The following PACC1 variants were observed in gnomAD, a reference collection of about 807,000 sequenced individuals.
PACC1 encodes proton-activated chloride channel.
A neutral mutation model predicts 39.7 loss-of-function variants in PACC1; 34 were observed. The observed-to-expected ratio is 0.86, with a 90% CI of 0.65 to 1.14. The LOEUF is 1.14. Ranked by LOEUF, PACC1 falls within the 50% of genes most tolerant of loss-of-function variation. The pLI is 0.00. For missense variants in PACC1, 379 were observed against 436.4 expected (o/e 0.87, Z 1.17); for synonymous variants, 127 against 160.6 (o/e 0.79, Z 1.58).
intron 1 of PACC1, among the ~76,000 whole-genome samples, chr1:212,410,728 T>C (rs1202827483): frequency 6.6e-6 from 1 of 152,218 alleles, no homozygotes; most frequent in African/African-American, 2.4e-5. Flanking sequence ...CTAGGACTAC[T>C]GTAGCAAGTA....
At chr1:212,390,960 G>T (rs906592104) in intron 2 of PACC1, among the ~76,000 whole-genome samples, 1 of 152,034 alleles carries the variant, frequency 6.6e-6, no homozygotes, top group Non-Finnish European at 1.5e-5. Context: ...GAACTGGGTG[G>T]AGCCCACCGC....
intron 7 of PACC1, among the ~76,000 whole-genome samples, chr1:212,369,323 A>C (rs1252168999): frequency 6.6e-6 from 1 of 152,384 alleles, no homozygotes; most frequent in East Asian, 1.9e-4. Context: ...AAACCAAAAA[A>C]CAAAAAACGA....
rs1202315226 is a variant in PACC1, at chr1:212,386,908, TC to T, written c.325del (p.Asp109IlefsTer30). 1.1e-5 allele frequency: 18 copies of T among 1,614,042 alleles called. No homozygotes were observed. The highest frequency in any genetic ancestry group is 1.4e-5 in the Non-Finnish European group (17 of 1,180,036). On this transcript the variant is annotated frameshift_variant, in exon 3 of 8. Coordinates refer to ENST00000261455, the MANE Select transcript of PACC1 (RefSeq NM_018252.3). LOFTEE classifies it high-confidence loss of function. This position sits in a 1 kb window ranked among gnomAD's most constrained non-coding sequence, Gnocchi z 5.0. The stretch of plus-strand genomic sequence containing the variant: ...GGCTCTACCTGGGGCATCATAGCGA[TC>T]CACTTCCTTGTAAGACACAGACATG... ...PVMSVSYKEV[D>X]RYDAPGIALY... is the part of the protein sequence containing the mutation.
intron 2 of PACC1, among the ~76,000 whole-genome samples, chr1:212,399,021 C>A (rs552186005): frequency 6.6e-6 from 1 of 152,198 alleles, no homozygotes; most frequent in Non-Finnish European, 1.5e-5. Flanking sequence ...TTGGAAGGTA[C>A]AACCAACTCC....
chr1:212,397,228 G>A (rs560298285), intron 2 of PACC1, among the ~76,000 whole-genome samples: 1 of 152,020 alleles, frequency 6.6e-6, no homozygotes, highest in Non-Finnish European at 1.5e-5. Context: ...AATATGGTAA[G>A]GTTTATAACT....
chr1:212,402,892 G>A (rs1343672814), intron 2 of PACC1, among the ~76,000 whole-genome samples: 2 of 152,110 alleles, frequency 1.3e-5, no homozygotes, highest in Admixed American at 6.6e-5. Context: ...GACCTTAGGT[G>A]ATCCACCCAC....
intron 7 of PACC1, among the ~76,000 whole-genome samples, chr1:212,370,597 C>A (rs905623046): frequency 6.6e-6 from 1 of 152,198 alleles, no homozygotes. Context: ...TATTAAGTAT[C>A]TTGTCTGACC....
Position 212,375,270 on chromosome 1 carries a change from G to A in PACC1, c.814C>T (p.Pro272Ser). Residue 272 changes from proline (P) to serine (S), a missense_variant, in exon 7 of 8, where the codon CCA (proline) becomes TCA (serine). Physicochemically the swap from Pro to Ser is moderately conservative, Grantham distance 74. Transcript: ENST00000261455. ...TSVVNYIDQR[P>S]AAKKSAQLFF... The stretch of plus-strand genomic sequence containing the variant: ...AATTGAGCACTTTTTTTGGCAGCTG[G>A]CCTCTGGTCAATGTAGTTAACCACA... 1.9e-6 allele frequency: 3 copies of A among 1,613,792 alleles called. No individual in the cohort carries two copies. Among genetic ancestry groups the A allele is most frequent in the Non-Finnish European group, 2.5e-6 (3 of 1,179,802 alleles).
intron 7 of PACC1, among the ~76,000 whole-genome samples, chr1:212,371,636 C>A (rs1449785427): frequency 2.0e-5 from 3 of 152,120 alleles, no homozygotes; most frequent in Non-Finnish European, 2.9e-5. Context: ...TCTACTCAAA[C>A]TATTCCAAAA....
At chr1:212,371,032 G>C (rs1660432130) in intron 7 of PACC1, among the ~76,000 whole-genome samples, 1 of 152,084 alleles carries the variant, frequency 6.6e-6, no homozygotes. Flanking sequence ...CAGATCACAA[G>C]GTCAAGAGAA....
At chr1:212,383,651 T>C (rs943045156) in intron 4 of PACC1, among the ~76,000 whole-genome samples, 5 of 152,228 alleles carry the variant, frequency 3.3e-5, no homozygotes, top group African/African-American at 1.2e-4. Context: ...AAGGATTAGG[T>C]TGACTAGTAT....
At chr1:212,401,962 A>G (rs1436396791) in intron 2 of PACC1, among the ~76,000 whole-genome samples, 1 of 152,186 alleles carries the variant, frequency 6.6e-6, no homozygotes, top group Non-Finnish European at 1.5e-5. Context: ...GGCATGAGCC[A>G]CCGCACCCAG....
intron 4 of PACC1, among the ~76,000 whole-genome samples, chr1:212,382,234 G>A (rs140305707): frequency 0.014 from 2,158 of 152,026 alleles, 48 homozygotes; most frequent in African/African-American, 0.048. Context: ...TAGTAGAGAC[G>A]GGGTTTCACC....
rs1661113908 is a variant in PACC1, at chr1:212,386,769, T to C, written c.343+122A>G. Reference sequence around the variant, plus strand: ...GGGCATAGACTCTATACCTAGACTATGCTTGGTTGGACTCCTCTGCCCTGC... The same window carrying C: ...GGGCATAGACTCTATACCTAGACTACGCTTGGTTGGACTCCTCTGCCCTGC... On this transcript the variant is annotated intron_variant, in intron 3 of 7. Transcript: ENST00000261455. This position sits in a 1 kb window ranked among gnomAD's most constrained non-coding sequence, Gnocchi z 5.0. 8.9e-6 allele frequency: 8 copies of C among 902,964 alleles called. No homozygotes were observed. Among genetic ancestry groups the C allele is most frequent in the Admixed American group, 1.8e-5 (1 of 54,338 alleles). 55.9% of individuals were successfully genotyped at this position (902,964 alleles called of 1,614,324 possible).
chr1:212,392,734 G>A (rs1339210413), intron 2 of PACC1, among the ~76,000 whole-genome samples: 1 of 151,940 alleles, frequency 6.6e-6, no homozygotes, highest in Non-Finnish European at 1.5e-5. Context: ...TAAAGGGATG[G>A]AGGAAGATCT....
intron 5 of PACC1, among the ~76,000 whole-genome samples, chr1:212,378,818 C>T (rs1660763621): frequency 6.6e-6 from 1 of 152,172 alleles, no homozygotes; most frequent in African/African-American, 2.4e-5. Context: ...TCTTTTGCCT[C>T]TGCCACTCCT....
chr1:212,366,456 A>T (rs1013503134), intron 7 of PACC1, among the ~76,000 whole-genome samples: 1 of 151,576 alleles, frequency 6.6e-6, no homozygotes, highest in Non-Finnish European at 1.5e-5. Flanking sequence ...ACATGCCACC[A>T]CGGCCGGCTA....
chr1:212,398,357 C>T (rs1417141188), intron 2 of PACC1, among the ~76,000 whole-genome samples: 5 of 152,220 alleles, frequency 3.3e-5, no homozygotes, highest in Non-Finnish European at 7.3e-5. Context: ...GCCATGCTAA[C>T]TCAATCCATC....
chr1:212,386,307 C>A lies in PACC1; in HGVS notation c.343+584G>T, dbSNP rs1661096755. On this transcript the variant is annotated intron_variant, in intron 3 of 7. Transcript: ENST00000261455. The surrounding 1 kb of genome is among the most constrained non-coding windows in gnomAD (Gnocchi z 5.0). ...CCTAGAACATCCAGTGCCAGCCCTG[C>A]AGCCCAGAGCAGATAGCTTGCTCTA... 6.6e-6 allele frequency among the ~76,000 whole-genome samples: 1 copy of A among 152,182 alleles called. No individual in the cohort carries two copies. Among genetic ancestry groups the A allele is most frequent in the Non-Finnish European group, 1.5e-5 (1 of 68,028 alleles).
Sources: allele counts gnomAD v4.1 joint callset (sites outside exome capture counted in the v4.1 genomes callset), GRCh38; gene constraint gnomAD v4.1.1; non-coding constraint Gnocchi (gnomAD v3.1); transcripts MANE v1.5; gene names NCBI Gene and HGNC (gene_info 2026-07-23, HGNC 2026-07-21).